The following CDH11 variants were observed in gnomAD, a reference collection of about 807,000 sequenced individuals.
CDH11 encodes the protein cadherin-11.
CDH11 carries 11 observed loss-of-function variants against 67.8 expected under a neutral mutation model. The ratio of observed to expected loss-of-function variants is 0.16; its 90% CI spans 0.10 to 0.27. The LOEUF is 0.27. Among genes scored for constraint, CDH11 ranks in the 10% least tolerant of loss-of-function variants. The pLI, the probability that CDH11 is intolerant of heterozygous loss-of-function variation, is 1.00. For missense variants in CDH11, 847 were observed against 1,031.2 expected (o/e 0.82, Z 2.45); for synonymous variants, 419 against 400.0 (o/e 1.05, Z -0.57).
intron 8 of CDH11, among the ~76,000 whole-genome samples, chr16:64,980,265 G>C (rs1292837654): frequency 6.6e-6 from 1 of 152,042 alleles, no homozygotes; most frequent in African/African-American, 2.4e-5. Flanking sequence ...AAAAAAAAGA[G>C]AGTGAGACAG....
chr16:65,063,047 T>C (rs1269814567), intron 1 of CDH11, among the ~76,000 whole-genome samples: 2 of 152,208 alleles, frequency 1.3e-5, no homozygotes, highest in South Asian at 2.1e-4. Context: ...CTGGACTTTA[T>C]TGGTGGAAGA....
rs539334660 is a variant in CDH11, at chr16:64,944,530, C to T, written c.*3073G>A. On this transcript the variant is annotated 3_prime_UTR_variant, in exon 13 of 13. Transcript: ENST00000268603. Reference sequence around the variant, plus strand: ...ACTCCAACTGCCCAGCCCCCATTCACCCCCATTGTCTTATAAAGTTTCTCA... The same window carrying T: ...ACTCCAACTGCCCAGCCCCCATTCATCCCCATTGTCTTATAAAGTTTCTCA... 40 of 233,100 alleles carry T rather than the reference C, an allele frequency of 1.7e-4. No individual in the cohort carries two copies. The highest frequency in any genetic ancestry group is 7.9e-4 in the African/African-American group (36 of 45,384). The allele number at this position is 233,100 out of a possible 1,614,324, so 14.4% of individuals were successfully genotyped here.
At position 65,090,018 on chromosome 16, in the gene CDH11, C is replaced by CT. The variant is rs567690521; in HGVS notation, c.-298+31861dup. Among the ~76,000 whole-genome samples the CT allele has an allele frequency of 1.5e-4, 23 of 152,188 alleles. No homozygotes were observed. In the South Asian group the frequency reaches 4.4e-3, roughly 29 times the overall value. ...ATTACAGGAAACTTTTTGGCTCCCC[C>CT]TAAGTTGTCACTAAATAACTTTTTG... On this transcript the variant is annotated intron_variant, in intron 1 of 12. Coordinates refer to ENST00000268603, the MANE Select transcript of CDH11 (RefSeq NM_001797.4).
chr16:65,104,103 T>C (rs2075033002), intron 1 of CDH11, among the ~76,000 whole-genome samples: 1 of 152,152 alleles, frequency 6.6e-6, no homozygotes, highest in South Asian at 2.1e-4. Flanking sequence ...AAGGATTTGG[T>C]GGAGAAAATT....
Position 64,944,634 on chromosome 16 carries a change from G to A in CDH11, c.*2969C>T, listed in dbSNP as rs2071163618. The A allele has an allele frequency of 4.3e-6, 1 of 231,748 alleles. No individual in the cohort carries two copies. Among genetic ancestry groups the A allele is most frequent in the East Asian group, 6.1e-5 (1 of 16,432 alleles). The allele number at this position is 231,748 out of a possible 1,614,324, so 14.4% of individuals were successfully genotyped here. On this transcript the variant is annotated 3_prime_UTR_variant, in exon 13 of 13. Coordinates refer to ENST00000268603, the MANE Select transcript of CDH11 (RefSeq NM_001797.4). ...GACCTGGTTCCACCTGACATACAGA[G>A]CCATGATCTCTATATTTTTAAGCAA...
chr16:64,977,840 T>G (rs2142444774), intron 8 of CDH11, among the ~76,000 whole-genome samples: 1 of 152,316 alleles, frequency 6.6e-6, no homozygotes, highest in Middle Eastern at 3.4e-3. Context: ...CTGAAATAAC[T>G]TTGTAAAACC....
At chr16:64,959,030 T>G (rs2071599303) in intron 11 of CDH11, among the ~76,000 whole-genome samples, 1 of 152,176 alleles carries the variant, frequency 6.6e-6, no homozygotes, top group African/African-American at 2.4e-5. Flanking sequence ...TGATGCAAAT[T>G]CTATAAATGA....
At chr16:64,962,638 C>T (rs867813154) in intron 11 of CDH11, among the ~76,000 whole-genome samples, 1 of 152,134 alleles carries the variant, frequency 6.6e-6, no homozygotes. Flanking sequence ...ACCTGGTTCT[C>T]ACAGTGAATA....
In CDH11 at chr16:64,945,586, TA is replaced by T. The variant is rs1032831176; in HGVS notation, c.*2016del. 1.5e-5 allele frequency: 15 copies of T among 1,030,428 alleles called. No homozygotes were observed. Among genetic ancestry groups the T allele is most frequent in the African/African-American group, 1.3e-4 (8 of 59,362 alleles). 63.8% of individuals were successfully genotyped at this position (1,030,428 alleles called of 1,614,324 possible). ...TATTCTTTGGATTACAAAAACTATA[TA>T]AAAAAATGAACACAACCTGCAATTA... On this transcript the variant is annotated 3_prime_UTR_variant, in exon 13 of 13. Transcript: ENST00000268603.
chr16:64,990,337 T>G (rs1403990797), intron 6 of CDH11, among the ~76,000 whole-genome samples: 1 of 152,182 alleles, frequency 6.6e-6, no homozygotes, highest in African/African-American at 2.4e-5. Flanking sequence ...AAGAGTCTTG[T>G]GTAGATTCTT....
chr16:64,949,422 T>TTC (rs2071290439), intron 12 of CDH11, among the ~76,000 whole-genome samples: 8 of 118,198 alleles, frequency 6.8e-5, no homozygotes, highest in African/African-American at 2.6e-4. Flanking sequence ...GCCTTTTTTT[T>TTC]TTCTTTTTTT....
chr16:64,998,306 A>G (rs2072826490), intron 4 of CDH11, among the ~76,000 whole-genome samples: 1 of 152,272 alleles, frequency 6.6e-6, no homozygotes, highest in Admixed American at 6.5e-5. Context: ...TACAGGCAAC[A>G]GATATTACCA....
chr16:65,112,130 T>C (rs1205810361), intron 1 of CDH11, among the ~76,000 whole-genome samples: 2 of 150,358 alleles, frequency 1.3e-5, no homozygotes, highest in African/African-American at 4.9e-5. Context: ...CTATCCTGCA[T>C]AGCATCATAG....
intron 1 of CDH11, among the ~76,000 whole-genome samples, chr16:65,067,834 C>T (rs1361646210): frequency 1.0e-5 from 1 of 100,058 alleles, no homozygotes; most frequent in Non-Finnish European, 1.9e-5. Flanking sequence ...GAGAAAGGAA[C>T]AGAGGGAGGA....
chr16:64,958,783 AACTCAGTTTCTAG>A (rs750077762), intron 11 of CDH11, among the ~76,000 whole-genome samples: 3 of 152,244 alleles, frequency 2.0e-5, no homozygotes, highest in South Asian at 2.1e-4. Context: ...AAAAAAGAAA[AACTCAGTTTCTAG>A]ACTCAGTTTC....
intron 1 of CDH11, among the ~76,000 whole-genome samples, chr16:65,090,904 T>C (rs867817132): frequency 1.3e-4 from 20 of 152,330 alleles, no homozygotes; most frequent in Middle Eastern, 6.8e-3. Context: ...ATATTTTAAG[T>C]GTGTTTCCTA....
intron 1 of CDH11, among the ~76,000 whole-genome samples, chr16:65,106,600 C>T (rs1218566662): frequency 6.6e-6 from 1 of 152,178 alleles, no homozygotes; most frequent in East Asian, 1.9e-4. Flanking sequence ...GACCTTAATG[C>T]TGCATAACAG....
rs558994948 is a variant in CDH11, at chr16:65,015,079, T to A, written c.-172-10038A>T. On this transcript the variant is annotated intron_variant, in intron 2 of 12. Transcript: ENST00000268603. The stretch of plus-strand genomic sequence containing the variant: ...GAGAGACTGGGTTTCTCCATGTTGG[T>A]CAGGCTGCTCTCGAACTCTTAGCCT... Among the ~76,000 whole-genome samples, 4 of 149,722 alleles carry A rather than the reference T, an allele frequency of 2.7e-5. No homozygotes were observed. In the South Asian group the frequency reaches 8.5e-4, roughly 32 times the overall value.
At position 65,099,001 on chromosome 16, in the gene CDH11, T is replaced by C. The variant is rs532830337; in HGVS notation, c.-298+22879A>G. ...TGAGCAGAGAACCTGAAATTACAGA[T>C]GTGCTTTGTAACCGTCTATTTTCTT... is the stretch of plus-strand genomic sequence containing the variant. On this transcript the variant is annotated intron_variant, in intron 1 of 12. Coordinates refer to ENST00000268603, the MANE Select transcript of CDH11 (RefSeq NM_001797.4). Among the ~76,000 whole-genome samples the C allele has an allele frequency of 1.5e-4, 23 of 152,330 alleles. No individual in the cohort carries two copies. In the South Asian group the frequency reaches 3.9e-3, roughly 26 times the overall value.
Sources: gnomAD v4.1 joint callset for allele counts (sites outside exome capture counted in the v4.1 genomes callset) on GRCh38, gnomAD v4.1.1 for gene constraint, MANE v1.5 for transcripts, NCBI Gene and HGNC (gene_info 2026-07-23, HGNC 2026-07-21) for gene names.